The following PRR16 variants were observed in gnomAD, a reference collection of about 807,000 sequenced individuals.
PRR16 encodes protein Largen.
A neutral mutation model predicts 18.2 loss-of-function variants in PRR16; 6 were observed. The observed-to-expected ratio is 0.33, with a 90% CI of 0.18 to 0.65. PRR16 has a LOEUF of 0.65. Ranked by LOEUF, PRR16 falls within the 30% of genes least tolerant of loss-of-function variation. PRR16 has a pLI of 0.74. For missense variants in PRR16, 412 were observed against 376.6 expected (o/e 1.09, Z -0.78); for synonymous variants, 151 against 147.8 (o/e 1.02, Z -0.16).
At chr5:120,465,876 C>G (rs1390358290) in intron 1 of PRR16, among the ~76,000 whole-genome samples, 1 of 152,178 alleles carries the variant, frequency 6.6e-6, no homozygotes, top group African/African-American at 2.4e-5. Flanking sequence ...TGACTGGCCT[C>G]TAGAGATTAA....
intron 1 of PRR16, among the ~76,000 whole-genome samples, chr5:120,665,896 C>T (rs1756357039): frequency 6.6e-6 from 1 of 152,128 alleles, no homozygotes; most frequent in Admixed American, 6.5e-5. Context: ...TAGCGTGATG[C>T]CTCCAGCTTT....
At chr5:120,715,628 C>T in the PRR16 span, among the ~76,000 whole-genome samples, 2 of 152,026 alleles carry the variant, frequency 1.3e-5, no homozygotes, top group Non-Finnish European at 2.9e-5. Flanking sequence ...ATTATTTTGC[C>T]CTATAATAGC....
At chr5:120,697,649 G>T in the PRR16 span, among the ~76,000 whole-genome samples, 1 of 152,126 alleles carries the variant, frequency 6.6e-6, no homozygotes, top group Admixed American at 6.6e-5. Context: ...AAGAGAGTCA[G>T]CGAAGGGAGA....
At chr5:120,695,819 T>C in the PRR16 span, among the ~76,000 whole-genome samples, 80,312 of 151,878 alleles carry the variant, frequency 0.53, 22,058 homozygotes, top group East Asian at 0.9. Flanking sequence ...CCTGGATTTA[T>C]GGCCCAGCCT....
the PRR16 span, among the ~76,000 whole-genome samples, chr5:120,770,926 A>ACTCTCT: frequency 0.15 from 19,469 of 130,962 alleles, 1,588 homozygotes; most frequent in Admixed American, 0.2. Flanking sequence ...TCATTGGAAC[A>ACTCTCT]CTCTCTCTCT....
the PRR16 span, among the ~76,000 whole-genome samples, chr5:120,696,963 T>C: frequency 1.0e-5 from 1 of 99,788 alleles, no homozygotes; most frequent in Non-Finnish European, 2.0e-5. Flanking sequence ...TGCTTAAAAT[T>C]TGACCTGAAC....
At chr5:120,785,370 T>C in the PRR16 span, among the ~76,000 whole-genome samples, 1 of 152,088 alleles carries the variant, frequency 6.6e-6, no homozygotes, top group African/African-American at 2.4e-5. Context: ...ATTACAAGAA[T>C]GCCCAGCATC....
At chr5:120,517,113 C>T (rs896197733) in intron 1 of PRR16, among the ~76,000 whole-genome samples, 1 of 152,134 alleles carries the variant, frequency 6.6e-6, no homozygotes, top group Non-Finnish European at 1.5e-5. Context: ...ATACTTTTAT[C>T]CCGCTGTGCA....
the PRR16 span, among the ~76,000 whole-genome samples, chr5:120,785,661 C>A: frequency 6.7e-6 from 1 of 148,642 alleles, no homozygotes; most frequent in Non-Finnish European, 1.5e-5. Context: ...CAACCTCCTC[C>A]TTCCAGGTTC....
Position 120,464,316 on chromosome 5 carries a change from A to G in PRR16, c.-171A>G. On this transcript the variant is annotated 5_prime_UTR_variant, in exon 1 of 2. Coordinates refer to ENST00000407149, the MANE Select transcript of PRR16 (RefSeq NM_001300783.2). Reference sequence around the variant, plus strand: ...CGTCTCGGGAGTTGATGGCAGCACCACTGTGCGGCCGCCCGGCCGAGCGCG... The same window carrying G: ...CGTCTCGGGAGTTGATGGCAGCACCGCTGTGCGGCCGCCCGGCCGAGCGCG... The G allele has an allele frequency of 6.7e-6, 4 of 597,670 alleles. No homozygotes were observed. Among genetic ancestry groups the G allele is most frequent in the Non-Finnish European group, 2.6e-6 (1 of 389,376 alleles). 37.0% of individuals were successfully genotyped at this position (597,670 alleles called of 1,614,324 possible). A position where few individuals can be genotyped will look rare whatever the true frequency, so the allele number is the denominator to read the frequency against.
At chr5:120,782,413 A>ATCTT in the PRR16 span, among the ~76,000 whole-genome samples, 1 of 152,122 alleles carries the variant, frequency 6.6e-6, no homozygotes, top group African/African-American at 2.4e-5. Context: ...TAATTGTTTT[A>ATCTT]TCTTTCAAAT....
intron 1 of PRR16, among the ~76,000 whole-genome samples, chr5:120,513,538 G>A (rs986666792): frequency 1.3e-5 from 2 of 151,782 alleles, no homozygotes; most frequent in Admixed American, 6.6e-5. Flanking sequence ...CCTCCACCTG[G>A]AATTTTGTCT....
At chr5:120,556,344 T>G (rs971325848) in intron 1 of PRR16, among the ~76,000 whole-genome samples, 1 of 151,426 alleles carries the variant, frequency 6.6e-6, no homozygotes, top group Non-Finnish European at 1.5e-5. Context: ...TTTATCCAGT[T>G]GGCTTTTTGG....
chr5:120,475,945 G>A (rs1313045696), intron 1 of PRR16, among the ~76,000 whole-genome samples: 1 of 152,098 alleles, frequency 6.6e-6, no homozygotes, highest in South Asian at 2.1e-4. Context: ...AAAAGTACAT[G>A]ATGCAACAAG....
intron 1 of PRR16, among the ~76,000 whole-genome samples, chr5:120,488,918 C>T (rs927635643): frequency 1.3e-5 from 2 of 152,116 alleles, no homozygotes; most frequent in Non-Finnish European, 2.9e-5. Context: ...ACCCAGTAGT[C>T]ATTCAGGAGC....
At chr5:120,662,421 T>C (rs565342587) in intron 1 of PRR16, among the ~76,000 whole-genome samples, 17 of 152,244 alleles carry the variant, frequency 1.1e-4, no homozygotes, top group African/African-American at 3.8e-4. Flanking sequence ...TTGTCAGTAG[T>C]ACTATTCTGG....
At chr5:120,519,169 A>T (rs576626665) in intron 1 of PRR16, among the ~76,000 whole-genome samples, 1 of 152,066 alleles carries the variant, frequency 6.6e-6, no homozygotes, top group African/African-American at 2.4e-5. Flanking sequence ...ACCCTAGGAC[A>T]TGAAAGACAG....
intron 1 of PRR16, among the ~76,000 whole-genome samples, chr5:120,602,627 T>C (rs1012373695): frequency 2.0e-5 from 3 of 152,052 alleles, no homozygotes; most frequent in African/African-American, 7.2e-5. Context: ...GAGAGTGGCA[T>C]TCTTGTCTTG....
At chr5:120,569,198 G>T (rs149821923) in intron 1 of PRR16, among the ~76,000 whole-genome samples, 146 of 152,142 alleles carry the variant, frequency 9.6e-4, no homozygotes, top group African/African-American at 3.3e-3. Context: ...TTAACCAATT[G>T]TTTACTGTAT....
Sources: gnomAD v4.1 joint callset for allele counts (sites outside exome capture counted in the v4.1 genomes callset) on GRCh38, gnomAD v4.1.1 for gene constraint, MANE v1.5 for transcripts, NCBI Gene and HGNC (gene_info 2026-07-23, HGNC 2026-07-21) for gene names.